The following TEX11 variants were observed in gnomAD, a reference collection of about 807,000 sequenced individuals.
The protein encoded by TEX11 is testis-expressed protein 11.
TEX11 carries 7 observed loss-of-function variants against 84.4 expected under a neutral mutation model. That is an observed-to-expected ratio of 0.08 (90% confidence interval 0.05 to 0.16). TEX11 has a LOEUF of 0.16. TEX11 is among the 10% of genes least tolerant of loss of function. TEX11 has a pLI of 1.00. For missense variants in TEX11, 551 were observed against 660.5 expected (o/e 0.83, Z 1.82); for synonymous variants, 264 against 222.8 (o/e 1.18, Z -1.64).
chrX:70,897,182 TATATA>T (rs1444301609), intron 2 of TEX11, among the ~76,000 whole-genome samples: 4 of 45,787 alleles, frequency 8.7e-5, no homozygotes, highest in Non-Finnish European at 1.8e-4. Flanking sequence ...ATATATGTTA[TATATA>T]ATATATGTTA....
At chrX:70,657,699 G>T (rs1306410464) in intron 16 of TEX11, among the ~76,000 whole-genome samples, 1 of 109,809 alleles carries the variant, frequency 9.1e-6, no homozygotes, top group Admixed American at 9.7e-5. Flanking sequence ...TGATAGACTG[G>T]ATTAAGAAAA....
intron 9 of TEX11, among the ~76,000 whole-genome samples, chrX:70,787,356 G>T (rs1379813031): frequency 9.6e-6 from 1 of 104,706 alleles, no homozygotes; most frequent in Non-Finnish European, 2.0e-5. Flanking sequence ...TTTTTAGATG[G>T]AGTCTAGCTT....
intron 25 of TEX11, among the ~76,000 whole-genome samples, chrX:70,567,927 G>T (rs2088517257): frequency 9.0e-6 from 1 of 111,286 alleles, no homozygotes; most frequent in African/African-American, 3.3e-5. Context: ...AGGTCCACTT[G>T]GTGCAGAGCT....
chrX:70,563,828 T>G (rs2147957959), intron 25 of TEX11, among the ~76,000 whole-genome samples: 1 of 112,734 alleles, frequency 8.9e-6, no homozygotes, highest in South Asian at 3.7e-4. Flanking sequence ...TTTTGAATGT[T>G]GAATTCCTGG....
chrX:70,535,577 T>C (rs1603032699), intron 28 of TEX11, among the ~76,000 whole-genome samples: 1 of 110,356 alleles, frequency 9.1e-6, no homozygotes, highest in African/African-American at 3.3e-5. Context: ...TGAAACCGCA[T>C]CTCTACCAAA....
At chrX:70,643,253 G>A (rs1272760908) in intron 17 of TEX11, among the ~76,000 whole-genome samples, 1 of 106,018 alleles carries the variant, frequency 9.4e-6, no homozygotes, top group East Asian at 2.9e-4. Flanking sequence ...ACAAACCGCT[G>A]CTCAAGGAAA....
intron 28 of TEX11, among the ~76,000 whole-genome samples, chrX:70,547,934 G>A (rs1372946827): frequency 5.4e-5 from 6 of 111,681 alleles, no homozygotes; most frequent in Non-Finnish European, 7.5e-5. Context: ...TACCCAAAGG[G>A]CTATAAATCA....
intron 7 of TEX11, among the ~76,000 whole-genome samples, chrX:70,834,599 A>G (rs1343505456): frequency 2.8e-5 from 3 of 107,051 alleles, no homozygotes; most frequent in East Asian, 6.3e-4. Context: ...CTACCAAAAA[A>G]CAAACAAACA....
At chrX:70,780,615 CT>C (rs761432335) in intron 9 of TEX11, among the ~76,000 whole-genome samples, 1 of 112,660 alleles carries the variant, frequency 8.9e-6, no homozygotes, top group Admixed American at 9.4e-5. Context: ...AATACTGTGC[CT>C]TTCCCACAGT....
At chrX:70,754,444 C>T (rs2090852671) in intron 9 of TEX11, among the ~76,000 whole-genome samples, 1 of 111,467 alleles carries the variant, frequency 9.0e-6, no homozygotes, top group Admixed American at 9.6e-5. Context: ...TAATAGAGCA[C>T]TGGGTAAATA....
At chrX:70,785,085 G>T (rs954382696) in intron 9 of TEX11, among the ~76,000 whole-genome samples, 2 of 111,863 alleles carry the variant, frequency 1.8e-5, no homozygotes, top group Non-Finnish European at 3.8e-5. Context: ...TATACTACAA[G>T]TCTACAGTAA....
intron 9 of TEX11, among the ~76,000 whole-genome samples, chrX:70,785,838 T>C (rs1489896254): frequency 8.9e-6 from 1 of 111,806 alleles, no homozygotes; most frequent in Non-Finnish European, 1.9e-5. Context: ...GGTAAGGTTG[T>C]GGAAAAATAG....
At chrX:70,651,372 T>A in intron 17 of TEX11, 78 bp downstream of exon 17, 1 of 660,289 alleles carries the variant, frequency 1.5e-6, no homozygotes, top group Non-Finnish European at 2.3e-6. Flanking sequence ...AAACAATGTT[T>A]TTTTCCCACT....
chrX:70,789,905 A>T (rs1317252968), intron 9 of TEX11, among the ~76,000 whole-genome samples: 1 of 112,447 alleles, frequency 8.9e-6, no homozygotes, highest in Non-Finnish European at 1.9e-5. Flanking sequence ...AAATAAATGG[A>T]TTAAAAAATG....
intron 13 of TEX11, among the ~76,000 whole-genome samples, chrX:70,683,794 T>C (rs987509122): frequency 2.7e-5 from 3 of 111,994 alleles, no homozygotes; most frequent in African/African-American, 9.7e-5. Context: ...AAAGCCATAG[T>C]AATGAAAATG....
At chrX:70,755,061 G>A (rs896504593) in intron 9 of TEX11, among the ~76,000 whole-genome samples, 1 of 111,862 alleles carries the variant, frequency 8.9e-6, no homozygotes, top group Non-Finnish European at 1.9e-5. Context: ...ACACTAAAAT[G>A]CCCAGACACT....
chrX:70,786,888 A>G (rs1444580532), intron 9 of TEX11, among the ~76,000 whole-genome samples: 1 of 111,973 alleles, frequency 8.9e-6, no homozygotes, highest in Non-Finnish European at 1.9e-5. Flanking sequence ...TAATCCCAGC[A>G]CCGTGGGAGG....
intron 11 of TEX11, among the ~76,000 whole-genome samples, chrX:70,731,142 A>G (rs915499622): frequency 1.8e-5 from 2 of 112,169 alleles, no homozygotes; most frequent in African/African-American, 6.5e-5. Context: ...TCTCTGGGAC[A>G]CATTCAAAGC....
At chrX:70,700,507 G>C (rs1420691316) in intron 13 of TEX11, among the ~76,000 whole-genome samples, 1 of 111,538 alleles carries the variant, frequency 9.0e-6, no homozygotes, top group African/African-American at 3.3e-5. Flanking sequence ...AAGCCCAAAT[G>C]TGTGTGTTCT....
Sources: allele counts gnomAD v4.1 joint callset (sites outside exome capture counted in the v4.1 genomes callset), GRCh38; gene constraint gnomAD v4.1.1; transcripts MANE v1.5; gene names NCBI Gene and HGNC (gene_info 2026-07-23, HGNC 2026-07-21).